The following HOMER1 variants were observed in gnomAD, a reference collection of about 807,000 sequenced individuals.
HOMER1 encodes homer protein homolog 1.
A neutral mutation model predicts 48.9 loss-of-function variants in HOMER1; 3 were observed. The observed-to-expected ratio is 0.06, with a 90% CI of 0.03 to 0.16. The LOEUF (loss-of-function observed/expected upper bound fraction) is 0.16. HOMER1 is among the 10% of genes least tolerant of loss of function. HOMER1 has a pLI of 1.00. For missense variants in HOMER1, 247 were observed against 411.4 expected (o/e 0.60, Z 3.46); for synonymous variants, 134 against 146.4 (o/e 0.92, Z 0.61).
intron 5 of HOMER1, among the ~76,000 whole-genome samples, chr5:79,420,124 T>C (rs1029372061): frequency 1.3e-5 from 2 of 152,234 alleles, no homozygotes; most frequent in African/African-American, 4.8e-5. Flanking sequence ...ATCAATGTAT[T>C]AAATGTAATA....
At chr5:79,431,096 C>T (rs1750411702) in intron 5 of HOMER1, among the ~76,000 whole-genome samples, 1 of 152,094 alleles carries the variant, frequency 6.6e-6, no homozygotes, top group African/African-American at 2.4e-5. Flanking sequence ...TTTGGGAAGC[C>T]AAGGTGGGCG....
At chr5:79,430,540 C>G (rs1750394001) in intron 5 of HOMER1, among the ~76,000 whole-genome samples, 1 of 152,202 alleles carries the variant, frequency 6.6e-6, no homozygotes, top group Non-Finnish European at 1.5e-5. Flanking sequence ...AAACATACAT[C>G]TGCACAAAAA....
chr5:79,386,579 CA>C (rs1268251599), intron 8 of HOMER1, among the ~76,000 whole-genome samples: 1 of 152,084 alleles, frequency 6.6e-6, no homozygotes, highest in African/African-American at 2.4e-5. Flanking sequence ...CTATAGTTAG[CA>C]ACAATATATT....
At chr5:79,430,271 A>G (rs996053860) in intron 5 of HOMER1, among the ~76,000 whole-genome samples, 1 of 152,204 alleles carries the variant, frequency 6.6e-6, no homozygotes, top group Non-Finnish European at 1.5e-5. Context: ...CCATGGGAAC[A>G]TGCTCAATAT....
At chr5:79,381,341 T>C (rs1179067540) in intron 8 of HOMER1, among the ~76,000 whole-genome samples, 1 of 152,238 alleles carries the variant, frequency 6.6e-6, no homozygotes, top group Non-Finnish European at 1.5e-5. Context: ...TAGATACATC[T>C]ACAGGAAAGA....
At chr5:79,466,452 C>A (rs1010834106) in intron 1 of HOMER1, among the ~76,000 whole-genome samples, 1 of 151,780 alleles carries the variant, frequency 6.6e-6, no homozygotes, top group South Asian at 2.1e-4. Flanking sequence ...GAGCTGAGAT[C>A]GTGCCACTGC....
intron 1 of HOMER1, 35 bp from the exon 2 acceptor site, chr5:79,457,053 C>T: frequency 6.2e-7 from 1 of 1,607,030 alleles, no homozygotes; most frequent in Non-Finnish European, 8.5e-7. Context: ...GGACTGAAAG[C>T]AGCCAGTTTT....
intron 5 of HOMER1, 102 bp downstream of exon 5, chr5:79,438,908 C>G: frequency 1.1e-6 from 1 of 889,056 alleles, no homozygotes. Flanking sequence ...CAAAGTCAAC[C>G]TGGAGTTTTC....
Position 79,375,074 on chromosome 5 carries a change from T to C in HOMER1, c.*935A>G, listed in dbSNP as rs550762833. ...CCCAATAACCATTATTATTCGTAAA[T>C]TGAAATGCATTGATCATTCAGAAAA... is the stretch of plus-strand genomic sequence containing the variant. On this transcript the variant is annotated 3_prime_UTR_variant, in exon 9 of 9. Transcript: ENST00000334082. The C allele has an allele frequency of 1.1e-4, 17 of 152,232 alleles. No individual in the cohort carries two copies. The highest frequency in any genetic ancestry group is 3.8e-4 in the African/African-American group (16 of 41,574). 9.4% of individuals were successfully genotyped at this position (152,232 alleles called of 1,614,324 possible). A position where few individuals can be genotyped will look rare whatever the true frequency, so the allele number is the denominator to read the frequency against.
intron 4 of HOMER1, among the ~76,000 whole-genome samples, chr5:79,446,191 A>C (rs1750875356): frequency 6.6e-6 from 1 of 152,122 alleles, no homozygotes; most frequent in Admixed American, 6.5e-5. Flanking sequence ...CCAGGAGACA[A>C]TATTCCTCTA....
intron 1 of HOMER1, among the ~76,000 whole-genome samples, 192 bp from the exon 2 acceptor site, chr5:79,457,210 C>T (rs1282455000): frequency 1.3e-5 from 2 of 152,106 alleles, no homozygotes; most frequent in Admixed American, 1.3e-4. Context: ...ATAGTCAATC[C>T]TCATTATTTG....
chr5:79,386,956 TTCCTTCCCTTCCC>T (rs1749127901), intron 8 of HOMER1, among the ~76,000 whole-genome samples: 1 of 130,560 alleles, frequency 7.7e-6, no homozygotes, highest in African/African-American at 2.9e-5. Flanking sequence ...CTTTCCTTTC[TTCCTTCCCTTCCC>T]TTCTTCCTTC....
At chr5:79,443,776 G>A (rs1750802993) in intron 4 of HOMER1, among the ~76,000 whole-genome samples, 1 of 152,120 alleles carries the variant, frequency 6.6e-6, no homozygotes, top group Non-Finnish European at 1.5e-5. Context: ...ATTAAGGGTT[G>A]GAGCCCAGTT....
chr5:79,511,868 T>G (rs551670479), intron 1 of HOMER1, among the ~76,000 whole-genome samples: 5 of 152,354 alleles, frequency 3.3e-5, no homozygotes, highest in African/African-American at 1.2e-4. Context: ...TTCAGATGTG[T>G]TTGTTCAACC....
intron 1 of HOMER1, among the ~76,000 whole-genome samples, chr5:79,500,778 C>T (rs912698138): frequency 6.6e-6 from 1 of 151,918 alleles, no homozygotes; most frequent in South Asian, 2.1e-4. Context: ...GCGTGCGCTA[C>T]CACACACAGC....
chr5:79,475,561 C>T (rs1561378378), intron 1 of HOMER1, among the ~76,000 whole-genome samples: 1 of 151,646 alleles, frequency 6.6e-6, no homozygotes, highest in Admixed American at 6.6e-5. Flanking sequence ...CTCAGAATAC[C>T]ACATGTGATA....
chr5:79,379,181 T>A lies in HOMER1; in HGVS notation c.877-2984A>T, dbSNP rs1448284131. ...AAATATATTTATATATTATATATAT[T>A]TTTATATATCTATAATATATATTAT... On this transcript the variant is annotated intron_variant, in intron 8 of 8. Coordinates refer to ENST00000334082, the MANE Select transcript of HOMER1 (RefSeq NM_004272.5). Among the ~76,000 whole-genome samples, 3 of 104,720 alleles carry A rather than the reference T, an allele frequency of 2.9e-5. No homozygotes were observed. In the East Asian group the frequency reaches 6.7e-4, roughly 24 times the overall value. The allele number at this position is 104,720 out of a possible 152,430, so 68.7% of individuals were successfully genotyped here. A position where few individuals can be genotyped will look rare whatever the true frequency, so the allele number is the denominator to read the frequency against.
At chr5:79,447,229 C>A in intron 3 of HOMER1, 84 bp from the exon 4 acceptor site, 1 of 778,688 alleles carries the variant, frequency 1.3e-6, no homozygotes, top group Non-Finnish European at 2.2e-6. Flanking sequence ...TATTCATTTT[C>A]TGAATAACTG....
chr5:79,421,460 C>T (rs938464933), intron 5 of HOMER1, among the ~76,000 whole-genome samples: 1 of 152,166 alleles, frequency 6.6e-6, no homozygotes, highest in Non-Finnish European at 1.5e-5. Flanking sequence ...AATAATATAA[C>T]ATATAAGGAA....
Sources: allele counts gnomAD v4.1 joint callset (sites outside exome capture counted in the v4.1 genomes callset), GRCh38; gene constraint gnomAD v4.1.1; transcripts MANE v1.5; gene names NCBI Gene and HGNC (gene_info 2026-07-23, HGNC 2026-07-21).